BIRC6: variants seen among roughly 807,000 people sequenced by gnomAD.
BIRC6 encodes the protein baculoviral IAP repeat containing 6, also known as dual E2 ubiquitin-conjugating enzyme/E3 ubiquitin-protein ligase BIRC6.
A neutral mutation model predicts 503.3 loss-of-function variants in BIRC6; 98 were observed. That is an observed-to-expected ratio of 0.19 (90% CI 0.17 to 0.23). BIRC6 has a LOEUF of 0.23. Ranked by LOEUF, BIRC6 falls within the 10% of genes least tolerant of loss-of-function variation. The pLI is 1.00. For missense variants in BIRC6, 5,360 were observed against 5,806.0 expected (o/e 0.92, Z 2.50); for synonymous variants, 2,240 against 2,078.7 (o/e 1.08, Z -2.11).
Position 32,599,889 on chromosome 2 carries a change from A to G in BIRC6, c.13981A>G (p.Asn4661Asp), listed in dbSNP as rs2061933933. ...HSVRFNPNLY[N>D]DGKVCLSILN... ...CGTGCGATTCAATCCAAACCTTTAT[A>G]ATGATGGCAAGGTAAATTAATTGCA... The change falls in exon 70 of 74, where the codon AAT becomes GAT. Residue 4661 changes from asparagine (N) to aspartate (D), a missense_variant. Asn to Asp is a conservative substitution (Grantham distance 23). Around this residue, in one of 16 missense-constraint regions of BIRC6, gnomAD observed 66 missense variants for 113.2 expected, o/e 0.58. Coordinates refer to ENST00000421745, the MANE Select transcript of BIRC6 (RefSeq NM_016252.4). 1 of 1,613,166 alleles carries G rather than the reference A, an allele frequency of 6.2e-7. No individual in the cohort carries two copies. Among genetic ancestry groups the G allele is most frequent in the Admixed American group, 1.7e-5 (1 of 59,892 alleles).
intron 65 of BIRC6, among the ~76,000 whole-genome samples, chr2:32,560,532 G>T (rs988175772): frequency 1.3e-5 from 2 of 152,098 alleles, no homozygotes; most frequent in African/African-American, 4.8e-5. Context: ...GAGCTGTGTT[G>T]TTTTCTCTAT....
chr2:32,579,133 T>C (rs1161147694), intron 66 of BIRC6, among the ~76,000 whole-genome samples: 2 of 150,424 alleles, frequency 1.3e-5, no homozygotes, highest in Non-Finnish European at 3.0e-5. Context: ...GTAGTGATTG[T>C]GGTTGCATAT....
chr2:32,420,567 G>A (rs999580225), intron 10 of BIRC6, among the ~76,000 whole-genome samples: 2 of 152,034 alleles, frequency 1.3e-5, no homozygotes, highest in Non-Finnish European at 2.9e-5. Flanking sequence ...AGGCTGGAGT[G>A]CAGTGGTGCA....
intron 61 of BIRC6, among the ~76,000 whole-genome samples, chr2:32,542,252 A>G (rs2057719551): frequency 6.6e-6 from 1 of 152,072 alleles, no homozygotes; most frequent in Admixed American, 6.6e-5. Flanking sequence ...AAAATTTTCT[A>G]CTAAAGGAAA....
rs185460774 is a variant in BIRC6, at chr2:32,577,835, G to A, written c.13355+2469G>A. On this transcript the variant is annotated intron_variant, in intron 66 of 73. Coordinates refer to ENST00000421745, the MANE Select transcript of BIRC6 (RefSeq NM_016252.4). Reference sequence around the variant, plus strand: ...TCTTTATTTTTCTATTTGATTAACCGGATGAAATTATTCCATTTAAATTCT... The same window carrying A: ...TCTTTATTTTTCTATTTGATTAACCAGATGAAATTATTCCATTTAAATTCT... Among the ~76,000 whole-genome samples, 397 of 152,174 alleles carry A rather than the reference G, an allele frequency of 2.6e-3. 2 individuals are homozygous for A. The South Asian group carries it at 0.031, about 12-fold the overall frequency.
intron 1 of BIRC6, among the ~76,000 whole-genome samples, chr2:32,371,309 G>A (rs928681059): frequency 1.3e-5 from 2 of 151,002 alleles, no homozygotes; most frequent in African/African-American, 2.4e-5. Flanking sequence ...AAGTAAGTAC[G>A]TATAATTTCA....
intron 44 of BIRC6, 124 bp from the exon 45 acceptor site, chr2:32,493,416 T>C (rs749070098): frequency 6.0e-6 from 5 of 837,872 alleles, no homozygotes; most frequent in South Asian, 2.8e-5. Flanking sequence ...GTTAATACTT[T>C]TGTTTTCCTC....
intron 9 of BIRC6, among the ~76,000 whole-genome samples, chr2:32,414,393 G>A (rs1212671324): frequency 4.0e-5 from 6 of 150,534 alleles, no homozygotes; most frequent in African/African-American, 9.8e-5. Context: ...TAGGCCAGGC[G>A]TGGTGGCTCA....
intron 66 of BIRC6, among the ~76,000 whole-genome samples, chr2:32,579,025 CCTAATATATATATGTAT>C (rs1559094386): frequency 1.1e-5 from 1 of 93,486 alleles, no homozygotes; most frequent in Non-Finnish European, 2.1e-5. Flanking sequence ...TATATATATA[CCTAATATATATATGTAT>C]ACCTAATATA....
At chr2:32,481,480 A>C (rs753321096) in intron 38 of BIRC6, 27 bp downstream of exon 38, 1 of 1,562,514 alleles carries the variant, frequency 6.4e-7, no homozygotes, top group South Asian at 1.2e-5. Context: ...TAGTCTTTGA[A>C]AGGAGGCCGG....
At chr2:32,514,472 A>C (rs1173964891) in intron 54 of BIRC6, among the ~76,000 whole-genome samples, 1 of 152,252 alleles carries the variant, frequency 6.6e-6, no homozygotes, top group Non-Finnish European at 1.5e-5. Flanking sequence ...AGTCTGCAGC[A>C]GAATACATTT....
In BIRC6 at chr2:32,406,545, G is replaced by C; in HGVS notation, c.1465G>C (p.Asp489His). 6.2e-7 allele frequency: 1 copy of C among 1,609,226 alleles called. No homozygotes were observed. The highest frequency in any genetic ancestry group is 1.1e-5 in the South Asian group (1 of 90,516). ...DSDSEEHSRS[D>H]SVTGHTSQKE... ...AGACAGTGAAGAGCATTCCAGATCA[G>C]ATTCTGTGACAGGTATGTAAAAAGT... The change falls in exon 9 of 74, where the codon GAT becomes CAT. Residue 489 changes from aspartate to histidine, a missense_variant. Asp to His is a moderately conservative substitution (Grantham distance 81). This residue lies in a region of BIRC6 where 700 missense variants were observed against 739.3 expected (regional missense o/e 0.95). Coordinates refer to ENST00000421745, the MANE Select transcript of BIRC6 (RefSeq NM_016252.4).
chr2:32,364,347 C>T (rs1342310927), intron 1 of BIRC6, among the ~76,000 whole-genome samples: 2 of 152,304 alleles, frequency 1.3e-5, no homozygotes, highest in East Asian at 3.9e-4. Flanking sequence ...TCAAGCGATT[C>T]TCCTGCCTCA....
At chr2:32,561,244 T>C (rs2059161812) in intron 65 of BIRC6, among the ~76,000 whole-genome samples, 1 of 151,222 alleles carries the variant, frequency 6.6e-6, no homozygotes, top group Admixed American at 6.6e-5. Context: ...TTTTTTTTTT[T>C]CTTTTTTCTT....
intron 10 of BIRC6, among the ~76,000 whole-genome samples, chr2:32,419,590 G>T (rs1284959072): frequency 6.6e-6 from 1 of 152,108 alleles, no homozygotes; most frequent in Non-Finnish European, 1.5e-5. Context: ...TATCAGTGGA[G>T]TATAAGATAG....
chr2:32,503,006 G>C (rs1386649297), intron 48 of BIRC6, 36 bp from the exon 49 acceptor site: 1 of 1,535,402 alleles, frequency 6.5e-7, no homozygotes, highest in African/African-American at 1.4e-5. Flanking sequence ...CATCTGTCCT[G>C]AGATCGATTT....
chr2:32,459,259 C>T (rs2148750324), intron 23 of BIRC6, among the ~76,000 whole-genome samples: 1 of 152,262 alleles, frequency 6.6e-6, no homozygotes, highest in South Asian at 2.1e-4. Flanking sequence ...TCCATTTAGC[C>T]TGTATCAGTA....
chr2:32,394,810 T>TC (rs1365191870), intron 5 of BIRC6, among the ~76,000 whole-genome samples: 1 of 151,954 alleles, frequency 6.6e-6, no homozygotes, highest in African/African-American at 2.4e-5. Flanking sequence ...AGTCTGAGAC[T>TC]CTGTCTCTTT....
intron 12 of BIRC6, 137 bp downstream of exon 12, chr2:32,431,227 A>T: frequency 4.4e-6 from 2 of 452,188 alleles, no homozygotes; most frequent in Middle Eastern, 6.4e-4. Context: ...ACAGAGTCTC[A>T]CTCTGTCACC....
Sources: gnomAD v4.1 joint callset for allele counts (sites outside exome capture counted in the v4.1 genomes callset) on GRCh38, gnomAD v4.1.1 for gene constraint, gnomAD v4.1.1 regional missense constraint, MANE v1.5 for transcripts, NCBI Gene and HGNC (gene_info 2026-07-23, HGNC 2026-07-21) for gene names.